CRTAC1: variants seen among roughly 807,000 people sequenced by gnomAD.
CRTAC1 encodes cartilage acidic protein 1, also known as acidic secreted protein in cartilage.
In CRTAC1, 37 loss-of-function variants were observed where a neutral mutation model predicts 67.8. The ratio of observed to expected loss-of-function variants is 0.55; its 90% CI spans 0.42 to 0.72. The LOEUF (loss-of-function observed/expected upper bound fraction) is 0.72. Ranked by LOEUF, CRTAC1 falls within the 30% of genes least tolerant of loss-of-function variation. The pLI is 0.00. For missense variants in CRTAC1, 780 were observed against 931.6 expected, an observed-to-expected ratio of 0.84 and a Z score of 2.12; for synonymous variants, 348 against 371.0, an observed-to-expected ratio of 0.94 and a Z score of 0.71.
intron 2 of CRTAC1, among the ~76,000 whole-genome samples, chr10:97,964,947 TG>T (rs1222799957): frequency 6.6e-6 from 1 of 152,214 alleles, no homozygotes; most frequent in East Asian, 1.9e-4. Flanking sequence ...CCAGCCCAGC[TG>T]GTAGGAGACC....
chr10:98,028,472 A>G (rs764337091), intron 1 of CRTAC1, among the ~76,000 whole-genome samples: 1 of 152,166 alleles, frequency 6.6e-6, no homozygotes, highest in African/African-American at 2.4e-5. Context: ...GTTTAGTAGG[A>G]CTGCCTTCCC....
In CRTAC1 at chr10:97,936,157, C is replaced by T. The variant is rs563153739; in HGVS notation, c.421+13G>A. ...GATGGGAAGCAGGAAGAGGCCTGAG[C>T]CCCAGCCCTTACCCGAGAAGGCATT... On this transcript the variant is annotated intron_variant, in intron 3 of 14. Coordinates refer to ENST00000370597, the MANE Select transcript of CRTAC1 (RefSeq NM_018058.7). 7.6e-6 allele frequency: 12 copies of T among 1,588,070 alleles called. No homozygotes were observed. Among genetic ancestry groups the T allele is most frequent in the East Asian group, 2.3e-5 (1 of 44,298 alleles).
At chr10:97,977,035 A>C (rs2051816535) in intron 2 of CRTAC1, among the ~76,000 whole-genome samples, 1 of 152,224 alleles carries the variant, frequency 6.6e-6, no homozygotes, top group African/African-American at 2.4e-5. Flanking sequence ...TGGACCTTCA[A>C]GATGTCACAG....
At position 97,885,922 on chromosome 10, in the gene CRTAC1, C is replaced by A. The variant is rs1287113646; in HGVS notation, c.1487-1571G>T. ...AGATACTGTTAGAAAACAAATTAAACTTAAAATTGCTGTTGAATGTATATT... is the reference window on the plus strand; with the variant it reads ...AGATACTGTTAGAAAACAAATTAAAATTAAAATTGCTGTTGAATGTATATT... On this transcript the variant is annotated intron_variant, in intron 11 of 14. Coordinates refer to ENST00000370597, the MANE Select transcript of CRTAC1 (RefSeq NM_018058.7). Among the ~76,000 whole-genome samples the A allele has an allele frequency of 3.3e-5, 5 of 152,244 alleles. No individual in the cohort carries two copies. The East Asian group carries it at 7.7e-4, about 23-fold the overall frequency.
intron 2 of CRTAC1, among the ~76,000 whole-genome samples, chr10:97,980,310 A>G (rs2051871627): frequency 6.6e-6 from 1 of 152,314 alleles, no homozygotes; most frequent in East Asian, 1.9e-4. Context: ...CTTTTATTTT[A>G]GTTTTGGGCA....
intron 11 of CRTAC1, among the ~76,000 whole-genome samples, chr10:97,885,482 C>G (rs915779771): frequency 2.0e-5 from 3 of 152,206 alleles, no homozygotes; most frequent in Non-Finnish European, 4.4e-5. Context: ...ACAGTGAATC[C>G]ATTTGCACAC....
At chr10:97,925,949 G>A (rs2050910504) in intron 3 of CRTAC1, among the ~76,000 whole-genome samples, 1 of 152,160 alleles carries the variant, frequency 6.6e-6, no homozygotes, top group Non-Finnish European at 1.5e-5. Context: ...GGGACCCCTT[G>A]AGACCACAGG....
chr10:97,985,325 C>G (rs2051962342), intron 2 of CRTAC1, among the ~76,000 whole-genome samples: 1 of 152,118 alleles, frequency 6.6e-6, no homozygotes, highest in Admixed American at 6.5e-5. Context: ...TTACATTGGC[C>G]TCATTAGCCA....
In CRTAC1 at chr10:97,975,555, A is replaced by G. The variant is rs1405939191; in HGVS notation, c.224+35583T>C. On this transcript the variant is annotated intron_variant, in intron 2 of 14. Coordinates refer to ENST00000370597, the MANE Select transcript of CRTAC1 (RefSeq NM_018058.7). The surrounding 1 kb of genome is among the most constrained non-coding windows in gnomAD (Gnocchi z 4.8). The stretch of plus-strand genomic sequence containing the variant: ...CGGCATTTTGGCCCAGTCGGAATGG[A>G]GTCACCTTTTCCTAAAGGACGTGGG... Among the ~76,000 whole-genome samples, 1 of 152,174 alleles carries G rather than the reference A, an allele frequency of 6.6e-6. No homozygotes were observed. The highest frequency in any genetic ancestry group is 2.4e-5 in the African/African-American group (1 of 41,458).
chr10:98,007,233 A>T (rs757565662), intron 2 of CRTAC1, among the ~76,000 whole-genome samples: 1 of 152,190 alleles, frequency 6.6e-6, no homozygotes, highest in Non-Finnish European at 1.5e-5. Flanking sequence ...GGATGGCTCA[A>T]AGTAAATGGA....
At chr10:97,935,687 C>T (rs1008438406) in intron 3 of CRTAC1, among the ~76,000 whole-genome samples, 2 of 152,162 alleles carry the variant, frequency 1.3e-5, no homozygotes, top group African/African-American at 4.8e-5. Flanking sequence ...GGGGAGTGAA[C>T]AAGTGAGCTC....
intron 14 of CRTAC1, among the ~76,000 whole-genome samples, chr10:97,872,036 G>A (rs1010022255): frequency 2.0e-5 from 3 of 152,212 alleles, no homozygotes; most frequent in African/African-American, 7.2e-5. Context: ...CAGAGATTGC[G>A]AGGGTCCTTT....
chr10:98,005,325 G>A (rs1384264188), intron 2 of CRTAC1, among the ~76,000 whole-genome samples: 3 of 150,108 alleles, frequency 2.0e-5, no homozygotes, highest in Admixed American at 6.7e-5. Context: ...GGCTGGTCTC[G>A]AACTCCTGAC....
intron 2 of CRTAC1, among the ~76,000 whole-genome samples, chr10:98,003,818 G>T (rs1842736913): frequency 6.6e-6 from 1 of 152,140 alleles, no homozygotes; most frequent in Non-Finnish European, 1.5e-5. Flanking sequence ...TGTCTGTCTG[G>T]GGTAATTACA....
At chr10:97,873,881 C>G (rs2136530856) in intron 14 of CRTAC1, among the ~76,000 whole-genome samples, 1 of 152,336 alleles carries the variant, frequency 6.6e-6, no homozygotes, top group East Asian at 1.9e-4. Context: ...CCTCTCTGCA[C>G]TCGGGACCCC....
rs376632332 is a variant in CRTAC1 at position 97,939,798 on chromosome 10, C to T, written c.225-3432G>A. ...CCACGGGGAATGCTTTCCCCACCTTCCCAGCCTCCCACAATGCCTGCCCCG... is the reference window on the plus strand; with the variant it reads ...CCACGGGGAATGCTTTCCCCACCTTTCCAGCCTCCCACAATGCCTGCCCCG... On this transcript the variant is annotated intron_variant, in intron 2 of 14. Transcript: ENST00000370597. 4.1e-3 allele frequency among the ~76,000 whole-genome samples: 623 copies of T among 152,260 alleles called. 3 individuals are homozygous for T. Among genetic ancestry groups the T allele is most frequent in the African/African-American group, 0.014 (563 of 41,546 alleles).
At chr10:97,976,638 T>A (rs1356197373) in intron 2 of CRTAC1, among the ~76,000 whole-genome samples, 1 of 152,262 alleles carries the variant, frequency 6.6e-6, no homozygotes, top group Admixed American at 6.5e-5. Flanking sequence ...TATCTATTCA[T>A]GAGCAAACCG....
Position 98,027,334 on chromosome 10 carries a change from G to A in CRTAC1, c.24+3115C>T, listed in dbSNP as rs1843258774. ...GAAGAAGTCCAAACATAAGGATTTG[G>A]CAAAAATAGAATGTCCTAGCACTCT... is the stretch of plus-strand genomic sequence containing the variant. On this transcript the variant is annotated intron_variant, in intron 1 of 14. Transcript: ENST00000370597. Among the ~76,000 whole-genome samples, 3 of 152,164 alleles carry A rather than the reference G, an allele frequency of 2.0e-5. No individual in the cohort carries two copies. In the South Asian group the frequency reaches 6.2e-4, roughly 32 times the overall value.
chr10:97,951,702 T>C (rs772743838), intron 2 of CRTAC1, among the ~76,000 whole-genome samples: 6 of 152,354 alleles, frequency 3.9e-5, no homozygotes, highest in South Asian at 4.1e-4. Flanking sequence ...GAAAGGTACA[T>C]GACTATAATC....
Sources: gnomAD v4.1 joint callset for allele counts (sites outside exome capture counted in the v4.1 genomes callset) on GRCh38, gnomAD v4.1.1 for gene constraint, Gnocchi (gnomAD v3.1) non-coding constraint, MANE v1.5 for transcripts, NCBI Gene and HGNC (gene_info 2026-07-23, HGNC 2026-07-21) for gene names.